The following DOK6 variants were observed in gnomAD, a reference collection of about 807,000 sequenced individuals.
DOK6 encodes downstream of tyrosine kinase 6.
DOK6 carries 22 observed loss-of-function variants against 44.0 expected under a neutral mutation model. The observed-to-expected ratio is 0.50, with a 90% CI of 0.36 to 0.71. The LOEUF is 0.71. Ranked by LOEUF, DOK6 falls within the 30% of genes least tolerant of loss-of-function variation. DOK6 has a pLI of 0.00. For synonymous variants in DOK6, 166 were observed against 145.5 expected (o/e 1.14, Z -1.01); for missense variants, 340 against 416.4 (o/e 0.82, Z 1.60).
At chr18:69,415,127 A>G (rs1978323567) in intron 1 of DOK6, among the ~76,000 whole-genome samples, 1 of 152,108 alleles carries the variant, frequency 6.6e-6, no homozygotes, top group Non-Finnish European at 1.5e-5. Context: ...CAACCATTGA[A>G]TGGTAGAATT....
chr18:69,419,854 G>C (rs966971993), intron 1 of DOK6, among the ~76,000 whole-genome samples: 1 of 152,030 alleles, frequency 6.6e-6, no homozygotes, highest in Non-Finnish European at 1.5e-5. Context: ...GCACCATTAT[G>C]GTTTTGATTG....
At chr18:69,435,638 T>C (rs1978954451) in intron 1 of DOK6, among the ~76,000 whole-genome samples, 1 of 152,224 alleles carries the variant, frequency 6.6e-6, no homozygotes, top group Admixed American at 6.5e-5. Flanking sequence ...GAAGTTCAAG[T>C]TGTAGAATAG....
In DOK6 at chr18:69,698,460, A is replaced by T. The variant is rs1241842045; in HGVS notation, c.466A>T (p.Thr156Ser). ...AAACCTGGATATTTATGGTGAATGC[A>T]CAATGCAGATCACTCATGAAAATAT... ...TPNLDIYGEC[T>S]MQITHENIYL... Residue 156 changes from threonine to serine, a missense_variant, in exon 5 of 8, where the codon ACA becomes TCA. Transcript: ENST00000382713. 6.2e-7 allele frequency: 1 copy of T among 1,613,942 alleles called. No homozygotes were observed. The highest frequency in any genetic ancestry group is 8.5e-7 in the Non-Finnish European group (1 of 1,179,936).
intron 1 of DOK6, among the ~76,000 whole-genome samples, chr18:69,533,858 T>A (rs1169904311): frequency 6.6e-6 from 1 of 152,164 alleles, no homozygotes; most frequent in African/African-American, 2.4e-5. Flanking sequence ...GTTCTACTCG[T>A]TTAATTTCAT....
intron 7 of DOK6, among the ~76,000 whole-genome samples, chr18:69,770,338 A>G (rs1016947470): frequency 3.3e-5 from 5 of 152,112 alleles, no homozygotes; most frequent in African/African-American, 1.2e-4. Flanking sequence ...TGTCACTTGG[A>G]TAGGAAAGTT....
At chr18:69,491,642 G>A (rs1980737441) in intron 1 of DOK6, among the ~76,000 whole-genome samples, 1 of 152,156 alleles carries the variant, frequency 6.6e-6, no homozygotes, top group South Asian at 2.1e-4. Context: ...GTTTCCTAAG[G>A]AAGAAACAAG....
chr18:69,832,718 C>G (rs1243697666), intron 7 of DOK6: 1 of 151,634 alleles, frequency 6.6e-6, no homozygotes. Flanking sequence ...AGTAGTGTTT[C>G]TATACACTAA....
chr18:69,522,124 C>A (rs1442675), intron 1 of DOK6, among the ~76,000 whole-genome samples: 92,100 of 151,488 alleles, frequency 0.61, 28,785 homozygotes, highest in Non-Finnish European at 0.69. Context: ...TGAATCCCTT[C>A]GAATGGACCT....
rs1036403038 is a variant in DOK6, at chr18:69,845,962, T to C, written c.*4579T>C. On this transcript the variant is annotated 3_prime_UTR_variant, in exon 8 of 8. Transcript: ENST00000382713. ...TTTTATCATGAACATAAATTATCGG[T>C]GAGACTGGTGTGCGGGGCTGGATCT... is the stretch of plus-strand genomic sequence containing the variant. The C allele has an allele frequency of 2.0e-4, 30 of 152,324 alleles. No individual in the cohort carries two copies. Among genetic ancestry groups the C allele is most frequent in the African/African-American group, 6.5e-4 (27 of 41,582 alleles). The allele number at this position is 152,324 out of a possible 1,614,324, so 9.4% of individuals were successfully genotyped here.
intron 1 of DOK6, among the ~76,000 whole-genome samples, chr18:69,422,409 T>C (rs1978518137): frequency 6.6e-6 from 1 of 152,224 alleles, no homozygotes; most frequent in East Asian, 1.9e-4. Flanking sequence ...CTACTCATAT[T>C]TTACTCCAGG....
chr18:69,833,262 C>T (rs938687266), intron 7 of DOK6, among the ~76,000 whole-genome samples: 3 of 152,090 alleles, frequency 2.0e-5, no homozygotes, highest in African/African-American at 7.2e-5. Context: ...AATCCACGTG[C>T]TTACAGCCAA....
In DOK6 at chr18:69,583,152, A is replaced by C. The variant is rs1983408383; in HGVS notation, c.175-16232A>C. Among the ~76,000 whole-genome samples, 4 of 152,212 alleles carry C rather than the reference A, an allele frequency of 2.6e-5. No individual in the cohort carries two copies. The South Asian group carries it at 8.3e-4, about 32-fold the overall frequency. ...AGATGGTTTTCCAGAATGGCAGTTC[A>C]TTCTACGTATTCACCTGGTATGTGA... is the stretch of plus-strand genomic sequence containing the variant. On this transcript the variant is annotated intron_variant, in intron 2 of 7. Coordinates refer to ENST00000382713, the MANE Select transcript of DOK6 (RefSeq NM_152721.6).
intron 1 of DOK6, among the ~76,000 whole-genome samples, chr18:69,433,316 G>A (rs541205199): frequency 2.8e-4 from 43 of 152,130 alleles, no homozygotes; most frequent in African/African-American, 9.9e-4. Context: ...GAGAACCAAT[G>A]TAATATGTTA....
intron 5 of DOK6, among the ~76,000 whole-genome samples, chr18:69,708,173 G>A (rs2144712446): frequency 6.6e-6 from 1 of 152,238 alleles, no homozygotes; most frequent in South Asian, 2.1e-4. Context: ...TTTTAATGTA[G>A]CAAGTAAACA....
At chr18:69,802,274 A>T (rs1183467517) in intron 7 of DOK6, among the ~76,000 whole-genome samples, 1 of 152,274 alleles carries the variant, frequency 6.6e-6, no homozygotes, top group East Asian at 1.9e-4. Flanking sequence ...ACCATGGTTC[A>T]ACTTGAAGAT....
intron 7 of DOK6, 69 bp downstream of exon 7, chr18:69,757,942 T>TACAAAGCAATTTGCA: frequency 2.3e-6 from 3 of 1,330,348 alleles, no homozygotes; most frequent in Non-Finnish European, 3.2e-6. Context: ...GTCATGCAAA[T>TACAAAGCAATTTGCA]TGCTTTGTAT....
intron 1 of DOK6, among the ~76,000 whole-genome samples, chr18:69,563,951 A>G (rs1344510129): frequency 6.6e-6 from 1 of 152,214 alleles, no homozygotes; most frequent in Non-Finnish European, 1.5e-5. Flanking sequence ...CATGTATTTA[A>G]TAAATACTTC....
At chr18:69,473,663 A>G in intron 1 of DOK6, among the ~76,000 whole-genome samples, 1 of 152,194 alleles carries the variant, frequency 6.6e-6, no homozygotes, top group East Asian at 1.9e-4. Flanking sequence ...TTGCTAGGTC[A>G]TATGCAGGGA....
chr18:69,719,493 C>G (rs1986958996), intron 5 of DOK6, among the ~76,000 whole-genome samples: 1 of 152,200 alleles, frequency 6.6e-6, no homozygotes, highest in South Asian at 2.1e-4. Context: ...GGCTACATGA[C>G]TCCTGAGCAG....
Sources: gnomAD v4.1 joint callset for allele counts (sites outside exome capture counted in the v4.1 genomes callset) on GRCh38, gnomAD v4.1.1 for gene constraint, MANE v1.5 for transcripts, NCBI Gene and HGNC (gene_info 2026-07-23, HGNC 2026-07-21) for gene names.